The following CMTM4 variants were observed in gnomAD, a reference collection of about 807,000 sequenced individuals.
CMTM4 encodes the protein CKLF-like MARVEL transmembrane domain-containing protein 4.
Under a neutral mutation model 19.0 loss-of-function variants are expected in CMTM4, and 8 were observed. The ratio of observed to expected loss-of-function variants is 0.42; its 90% CI spans 0.25 to 0.76. The LOEUF is 0.76. CMTM4 is among the 30% of genes least tolerant of loss of function. The pLI is 0.27. For missense variants in CMTM4, 228 were observed against 290.2 expected (o/e 0.79, Z 1.56); for synonymous variants, 106 against 121.1 (o/e 0.88, Z 0.82).
intron 1 of CMTM4, among the ~76,000 whole-genome samples, chr16:66,673,788 A>G (rs2016755768): frequency 6.6e-6 from 1 of 152,216 alleles, no homozygotes; most frequent in South Asian, 2.1e-4. Flanking sequence ...TTGACATTTT[A>G]TTGAGAACAC....
chr16:66,611,546 G>T (rs1231266376), downstream of CMTM4, among the ~76,000 whole-genome samples: 1 of 152,154 alleles, frequency 6.6e-6, no homozygotes, highest in Non-Finnish European at 1.5e-5. Flanking sequence ...GGACTAGGCT[G>T]CCCACACCCC....
At chr16:66,683,163 A>ATATATATACG in intron 1 of CMTM4, among the ~76,000 whole-genome samples, 1 of 95,442 alleles carries the variant, frequency 1.0e-5, no homozygotes, top group South Asian at 4.2e-4. Context: ...ATATATACGT[A>ATATATATACG]TATATATATA....
At chr16:66,601,628 A>G in the CMTM4 span, among the ~76,000 whole-genome samples, 18,448 of 152,250 alleles carry the variant, frequency 0.12, 1,334 homozygotes, top group African/African-American at 0.19. Context: ...TGGGGCCTCA[A>G]TGGGACTTGC....
At chr16:66,643,569 G>A (rs1253180459) in intron 1 of CMTM4, among the ~76,000 whole-genome samples, 1 of 152,174 alleles carries the variant, frequency 6.6e-6, no homozygotes, top group East Asian at 1.9e-4. Flanking sequence ...TGTCATCAGT[G>A]CCTAAATGAG....
At chr16:66,600,123 T>TGGGGGGGG in the CMTM4 span, among the ~76,000 whole-genome samples, 1 of 145,636 alleles carries the variant, frequency 6.9e-6, no homozygotes, top group African/African-American at 2.6e-5. Context: ...TGTGTGTGTG[T>TGGGGGGGG]GTGTGTGTGT....
Position 66,614,811 on chromosome 16 carries a change from C to T in CMTM4, c.*7247G>A, listed in dbSNP as rs554686940. 2.6e-5 allele frequency: 4 copies of T among 152,316 alleles called. No homozygotes were observed. The highest frequency in any genetic ancestry group is 1.3e-4 in the Admixed American group (2 of 15,308). 9.4% of individuals were successfully genotyped at this position (152,316 alleles called of 1,614,324 possible). A position where few individuals can be genotyped will look rare whatever the true frequency, so the allele number is the denominator to read the frequency against. ...GACAATTTAATACAATAGTTATTAACGATTAGTGTTGAGAAAATTATTTCC... is the reference window on the plus strand; with the variant it reads ...GACAATTTAATACAATAGTTATTAATGATTAGTGTTGAGAAAATTATTTCC... On this transcript the variant is annotated 3_prime_UTR_variant, in exon 4 of 4. Coordinates refer to ENST00000394106, the MANE Select transcript of CMTM4 (RefSeq NM_181521.3). The surrounding 1 kb of genome is among the most constrained non-coding windows in gnomAD (Gnocchi z 4.9).
At chr16:66,666,818 A>G in intron 1 of CMTM4, among the ~76,000 whole-genome samples, 1 of 152,226 alleles carries the variant, frequency 6.6e-6, no homozygotes, top group East Asian at 1.9e-4. Context: ...TAACACAGAA[A>G]CAGAAAACCA....
intron 2 of CMTM4, among the ~76,000 whole-genome samples, chr16:66,629,783 A>G (rs1278969344): frequency 6.6e-6 from 1 of 152,158 alleles, no homozygotes; most frequent in Non-Finnish European, 1.5e-5. Flanking sequence ...CCAAATGGCC[A>G]ATCAGTCATG....
chr16:66,685,365 T>C (rs145987785), intron 1 of CMTM4, among the ~76,000 whole-genome samples: 43 of 152,146 alleles, frequency 2.8e-4, no homozygotes, highest in Non-Finnish European at 4.9e-4. Context: ...ATGCTGGTAT[T>C]TCCAGGCTAT....
At chr16:66,600,136 G>GGTTTTTTTTTTTTTTTTTTTTTTTTTTTT in the CMTM4 span, among the ~76,000 whole-genome samples, 1 of 135,154 alleles carries the variant, frequency 7.4e-6, no homozygotes, top group African/African-American at 2.9e-5. Flanking sequence ...GTGTGTGTGT[G>GGTTTTTTTTTTTTTTTTTTTTTTTTTTTT]TTTTTTTTTG....
In CMTM4 at chr16:66,619,205, G is replaced by C; in HGVS notation, c.*2853C>G. On this transcript the variant is annotated 3_prime_UTR_variant, in exon 4 of 4. Transcript: ENST00000394106. ...CCATGCCTTCAGCAGTGTGAAAGAA[G>C]GATATCAAAGAGAATCAGAGGGAAA... 2 of 985,432 alleles carry C rather than the reference G, an allele frequency of 2.0e-6. No homozygotes were observed. The highest frequency in any genetic ancestry group is 2.4e-6 in the Non-Finnish European group (2 of 829,930). 61.0% of individuals were successfully genotyped at this position (985,432 alleles called of 1,614,324 possible).
At chr16:66,629,612 T>C (rs551507899) in intron 2 of CMTM4, among the ~76,000 whole-genome samples, 176 of 152,318 alleles carry the variant, frequency 1.2e-3, no homozygotes, top group African/African-American at 4.1e-3. Flanking sequence ...TACCCGAGTT[T>C]ATGCTAACGA....
intron 2 of CMTM4, among the ~76,000 whole-genome samples, chr16:66,634,200 G>A (rs1482889224): frequency 1.3e-5 from 2 of 152,180 alleles, no homozygotes; most frequent in Non-Finnish European, 2.9e-5. Flanking sequence ...AGCACTTTGG[G>A]AGGCTGAGGT....
intron 1 of CMTM4, among the ~76,000 whole-genome samples, chr16:66,668,118 C>A (rs2016636101): frequency 6.6e-6 from 1 of 151,976 alleles, no homozygotes; most frequent in African/African-American, 2.4e-5. Context: ...CCTCCCACCT[C>A]AGCCTCCTGA....
At chr16:66,656,162 G>GA (rs960691621) in intron 1 of CMTM4, among the ~76,000 whole-genome samples, 1 of 151,804 alleles carries the variant, frequency 6.6e-6, no homozygotes, top group African/African-American at 2.4e-5. Flanking sequence ...TAAAATCAAT[G>GA]AAAAAAATCC....
At chr16:66,609,996 G>A (rs759764731), downstream of CMTM4, 3 of 1,614,150 alleles carry the variant, frequency 1.9e-6, no homozygotes, top group Non-Finnish European at 2.5e-6. The surrounding 1 kb of genome is among the most constrained non-coding windows in gnomAD (Gnocchi z 4.4). Context: ...CAGCCCACAA[G>A]ACAGAAGGTA....
At chr16:66,636,382 C>T in intron 2 of CMTM4, 23 bp downstream of exon 2, 1 of 1,604,402 alleles carries the variant, frequency 6.2e-7, no homozygotes, top group Non-Finnish European at 8.5e-7. Flanking sequence ...CCTTTCATGG[C>T]CAGAGTGGCC....
At chr16:66,613,388 C>T (rs989225428), downstream of CMTM4, 11 of 428,638 alleles carry the variant, frequency 2.6e-5, no homozygotes, top group East Asian at 1.5e-4. Context: ...GGGAGCTGGG[C>T]GGGCCCAGCC....
At chr16:66,689,480 C>T (rs533811857) in intron 1 of CMTM4, among the ~76,000 whole-genome samples, 4 of 152,200 alleles carry the variant, frequency 2.6e-5, no homozygotes, top group African/African-American at 4.8e-5. Flanking sequence ...GGCACGATCG[C>T]GGCTCACCGC....
Sources: allele counts gnomAD v4.1 joint callset (sites outside exome capture counted in the v4.1 genomes callset), GRCh38; gene constraint gnomAD v4.1.1; non-coding constraint Gnocchi (gnomAD v3.1); transcripts MANE v1.5; gene names NCBI Gene and HGNC (gene_info 2026-07-23, HGNC 2026-07-21).